The following OSBPL9 variants were observed in gnomAD, a reference collection of about 807,000 sequenced individuals.
OSBPL9 encodes oxysterol-binding protein-related protein 9.
A neutral mutation model predicts 106.6 loss-of-function variants in OSBPL9; 40 were observed. That is an observed-to-expected ratio of 0.38 (90% CI 0.29 to 0.49). The LOEUF (loss-of-function observed/expected upper bound fraction) is 0.49. Among genes scored for constraint, OSBPL9 ranks in the 20% least tolerant of loss-of-function variants. OSBPL9 has a pLI of 0.97. For missense variants in OSBPL9, 609 were observed against 887.2 expected (o/e 0.69, Z 3.98); for synonymous variants, 269 against 295.4 (o/e 0.91, Z 0.92).
At chr1:51,701,651 GT>G (rs113520734) in intron 3 of OSBPL9, among the ~76,000 whole-genome samples, 33,632 of 146,636 alleles carry the variant, frequency 0.23, 5,166 homozygotes, top group African/African-American at 0.44. Context: ...GGTTTTTTTT[GT>G]TTTTTTTTTA....
chr1:51,541,455 A>G, the OSBPL9 span, among the ~76,000 whole-genome samples: 2 of 152,162 alleles, frequency 1.3e-5, no homozygotes, highest in East Asian at 3.9e-4. Context: ...CATAGTTTTT[A>G]TTGCTGCTAA....
chr1:51,614,788 A>G (rs1337823159), upstream of OSBPL9, among the ~76,000 whole-genome samples: 3 of 152,188 alleles, frequency 2.0e-5, no homozygotes, highest in South Asian at 2.1e-4. Flanking sequence ...CAACCTTTGT[A>G]GACAGCTACT....
At chr1:51,787,067 CAT>C (rs897987828) in intron 22 of OSBPL9, among the ~76,000 whole-genome samples, 2 of 152,166 alleles carry the variant, frequency 1.3e-5, no homozygotes, top group Non-Finnish European at 2.9e-5. Flanking sequence ...GTAAGTTAGA[CAT>C]AGAGCCAGAA....
At chr1:51,621,505 CA>C (rs201132605) in intron 1 of OSBPL9, among the ~76,000 whole-genome samples, 2,895 of 71,474 alleles carry the variant, frequency 0.041, 73 homozygotes, top group African/African-American at 0.11. Context: ...GACTCCGTCT[CA>C]AAAAAAAAAA....
intron 3 of OSBPL9, among the ~76,000 whole-genome samples, chr1:51,704,057 T>C (rs1424070748): frequency 1.3e-5 from 2 of 152,236 alleles, no homozygotes; most frequent in East Asian, 3.8e-4. Flanking sequence ...ATTGAGGATT[T>C]TTGCATGGAT....
intron 1 of OSBPL9, among the ~76,000 whole-genome samples, chr1:51,651,393 A>T (rs1646507037): frequency 6.6e-6 from 1 of 152,152 alleles, no homozygotes; most frequent in Non-Finnish European, 1.5e-5. Flanking sequence ...ACCTGAGGTC[A>T]GGAGTTCGAG....
chr1:51,536,685 T>C, the OSBPL9 span, among the ~76,000 whole-genome samples: 1 of 152,168 alleles, frequency 6.6e-6, no homozygotes, highest in Non-Finnish European at 1.5e-5. Context: ...ATTCACGATA[T>C]TCACATTTTT....
chr1:51,767,882 T>C (rs1174630042), intron 12 of OSBPL9, among the ~76,000 whole-genome samples: 1 of 151,660 alleles, frequency 6.6e-6, no homozygotes, highest in African/African-American at 2.4e-5. Context: ...AAGGTTATTA[T>C]TAATTTTTGA....
At chr1:51,643,892 C>T (rs1157539982) in intron 1 of OSBPL9, among the ~76,000 whole-genome samples, 3 of 150,592 alleles carry the variant, frequency 2.0e-5, no homozygotes, top group Non-Finnish European at 4.4e-5. Flanking sequence ...GCAGCTTGGG[C>T]AACAAGGCGA....
Position 51,781,258 on chromosome 1 carries a change from A to G in OSBPL9, c.1351A>G (p.Lys451Glu). 1.2e-6 allele frequency: 2 copies of G among 1,614,150 alleles called. No individual in the cohort carries two copies. The highest frequency in any genetic ancestry group is 4.5e-5 in the East Asian group (2 of 44,874). ...FHAGRKGSVA[K>E]KPYNPILGEI... The stretch of plus-strand genomic sequence containing the variant: ...TGCGGGAAGGAAAGGATCAGTTGCC[A>G]AAAAGCCATACAATCCCATTTTGGG... The change falls in exon 16 of 24, where the codon AAA becomes GAA. Residue 451 changes from lysine to glutamate, a missense_variant. Lys to Glu is a moderately conservative substitution (Grantham distance 56, BLOSUM62 1). Coordinates refer to ENST00000428468, the MANE Select transcript of OSBPL9 (RefSeq NM_024586.6).
At position 51,600,200 on chromosome 1, in the gene OSBPL9, A is replaced by G. The variant is rs374208803; in HGVS notation, c.-353+2007A>G. Among the ~76,000 whole-genome samples the G allele has an allele frequency of 2.6e-5, 4 of 152,224 alleles. No individual in the cohort carries two copies. The East Asian group carries it at 7.7e-4, about 29-fold the overall frequency. Reference sequence around the variant, plus strand: ...ATATAAAGCACTTTGGGTTAACTCAATGTGATTTAATTCAATAACTATGGA... The same window carrying G: ...ATATAAAGCACTTTGGGTTAACTCAGTGTGATTTAATTCAATAACTATGGA... On this transcript the variant is annotated intron_variant, in intron 2 of 25. Transcript: ENST00000371714.
intron 4 of OSBPL9, among the ~76,000 whole-genome samples, chr1:51,727,158 G>A (rs897053397): frequency 2.1e-5 from 3 of 140,198 alleles, no homozygotes; most frequent in Non-Finnish European, 3.1e-5. Context: ...TTTTTTACTG[G>A]CTTAGAGAAC....
intron 4 of OSBPL9, chr1:51,740,205 A>C (rs1666591265): frequency 1.9e-6 from 3 of 1,538,476 alleles, no homozygotes; most frequent in Non-Finnish European, 2.6e-6. Flanking sequence ...AATTTTCAAA[A>C]ATAATTGTAA....
chr1:51,692,009 TAAAATAAAGATAA>T (rs1437515385), intron 3 of OSBPL9, among the ~76,000 whole-genome samples: 1 of 152,116 alleles, frequency 6.6e-6, no homozygotes, highest in Non-Finnish European at 1.5e-5. Context: ...GCATACACTC[TAAAATAAAGATAA>T]AAAGGCTGAG....
At chr1:51,562,766 A>C in the OSBPL9 span, among the ~76,000 whole-genome samples, 4 of 152,226 alleles carry the variant, frequency 2.6e-5, no homozygotes, top group Non-Finnish European at 5.9e-5. Context: ...CTGGCAGTTG[A>C]GGCCGTTCTC....
At chr1:51,563,567 C>G in the OSBPL9 span, 8 of 152,276 alleles carry the variant, frequency 5.3e-5, no homozygotes, top group African/African-American at 1.7e-4. Context: ...CATCAATTAG[C>G]GTTGACATGT....
intron 12 of OSBPL9, among the ~76,000 whole-genome samples, chr1:51,769,186 A>T (rs1040859578): frequency 4.3e-5 from 4 of 92,200 alleles, no homozygotes; most frequent in African/African-American, 1.7e-4. Flanking sequence ...ATCAGCTGCT[A>T]CTGCTGATTT....
chr1:51,743,771 T>A (rs1571476014), intron 4 of OSBPL9, among the ~76,000 whole-genome samples: 1 of 152,176 alleles, frequency 6.6e-6, no homozygotes, highest in Admixed American at 6.5e-5. Flanking sequence ...AACATGGAAA[T>A]AAGTTGCTCA....
intron 16 of OSBPL9, 91 bp from the exon 17 acceptor site, chr1:51,782,468 G>T (rs527449356): frequency 3.1e-6 from 3 of 982,020 alleles, no homozygotes; most frequent in Non-Finnish European, 4.7e-6. Context: ...CTTGGTGTGT[G>T]TAGAGCGAGC....
Sources: allele counts gnomAD v4.1 joint callset (sites outside exome capture counted in the v4.1 genomes callset), GRCh38; gene constraint gnomAD v4.1.1; transcripts MANE v1.5; gene names NCBI Gene and HGNC (gene_info 2026-07-23, HGNC 2026-07-21).